CNTN5: variants seen among roughly 807,000 people sequenced by gnomAD.
CNTN5 encodes the protein contactin 5, also known as contactin-5.
CNTN5 carries 77 observed loss-of-function variants against 129.1 expected under a neutral mutation model. The ratio of observed to expected loss-of-function variants is 0.60; its 90% confidence interval spans 0.50 to 0.72. The LOEUF (loss-of-function observed/expected upper bound fraction) is 0.72, where lower values mean the gene tolerates loss of function less well. Among genes scored for constraint, CNTN5 ranks in the 30% least tolerant of loss-of-function variants. The probability of loss-of-function intolerance (pLI) is 0.00; values close to 1 mark genes in which losing one functional copy is unlikely to be tolerated. For synonymous variants in CNTN5, 509 were observed against 465.6 expected, an observed-to-expected ratio of 1.09 and a Z score of -1.20; for missense variants, 1,478 against 1,328.8, an observed-to-expected ratio of 1.11 and a Z score of -1.75.
At chr11:99,211,829 T>A (rs937908294) in intron 1 of CNTN5, among the ~76,000 whole-genome samples, 12 of 152,168 alleles carry the variant, frequency 7.9e-5, no homozygotes, top group Admixed American at 2.0e-4. Flanking sequence ...GAAAGACACT[T>A]ATCCTTTTTA....
chr11:99,847,470 T>G (rs1947736806), intron 6 of CNTN5, among the ~76,000 whole-genome samples: 1 of 152,202 alleles, frequency 6.6e-6, no homozygotes, highest in African/African-American at 2.4e-5. Flanking sequence ...TACATAGGTA[T>G]TCAGTGGTAG....
intron 3 of CNTN5, 28 bp from the exon 4 acceptor site, chr11:99,819,516 A>C: frequency 6.4e-7 from 1 of 1,560,920 alleles, no homozygotes; most frequent in East Asian, 2.3e-5. Flanking sequence ...CTCAAAATTC[A>C]GATTTTATTA....
At chr11:100,184,022 A>C (rs1385263001) in intron 13 of CNTN5, among the ~76,000 whole-genome samples, 1 of 152,074 alleles carries the variant, frequency 6.6e-6, no homozygotes, top group African/African-American at 2.4e-5. Flanking sequence ...TCCCACACTG[A>C]AGGATAAGCT....
At chr11:99,128,747 G>A (rs1361044525) in intron 1 of CNTN5, among the ~76,000 whole-genome samples, 1 of 152,184 alleles carries the variant, frequency 6.6e-6, no homozygotes, top group Non-Finnish European at 1.5e-5. Context: ...TGCCCCTCTG[G>A]GATGAAGCTT....
chr11:99,852,361 A>G (rs1335029397), intron 6 of CNTN5, among the ~76,000 whole-genome samples: 5 of 152,238 alleles, frequency 3.3e-5, no homozygotes, highest in African/African-American at 1.2e-4. Context: ...AAAATACTGT[A>G]TAGATGGTGT....
intron 2 of CNTN5, among the ~76,000 whole-genome samples, chr11:99,351,686 G>T (rs532359171): frequency 6.6e-5 from 10 of 152,204 alleles, no homozygotes; most frequent in African/African-American, 2.4e-4. Flanking sequence ...AAATTGATTG[G>T]AATATTTAAG....
chr11:99,927,207 T>A (rs1448839445), intron 7 of CNTN5, among the ~76,000 whole-genome samples: 2 of 152,186 alleles, frequency 1.3e-5, no homozygotes, highest in Non-Finnish European at 2.9e-5. Flanking sequence ...TTATGTATCC[T>A]ATTCTATCTT....
At chr11:99,409,033 G>T (rs551378106) in intron 2 of CNTN5, among the ~76,000 whole-genome samples, 1 of 152,286 alleles carries the variant, frequency 6.6e-6, no homozygotes, top group Admixed American at 6.5e-5. Context: ...TGGAATTTCT[G>T]ATTCTAATAG....
intron 1 of CNTN5, among the ~76,000 whole-genome samples, chr11:99,323,702 C>T (rs948268300): frequency 2.6e-5 from 4 of 152,044 alleles, no homozygotes; most frequent in African/African-American, 9.7e-5. Flanking sequence ...AAAAACATAA[C>T]TTGTCAAATC....
At chr11:99,305,014 C>G (rs1447225853) in intron 1 of CNTN5, among the ~76,000 whole-genome samples, 1 of 152,130 alleles carries the variant, frequency 6.6e-6, no homozygotes, top group East Asian at 1.9e-4. Flanking sequence ...ACTTGACTTT[C>G]CCATGCCTAT....
intron 3 of CNTN5, among the ~76,000 whole-genome samples, chr11:99,576,113 T>A: frequency 6.6e-6 from 1 of 152,042 alleles, no homozygotes; most frequent in Non-Finnish European, 1.5e-5. Flanking sequence ...TAGAAACAAA[T>A]AACCGCTTTT....
intron 13 of CNTN5, among the ~76,000 whole-genome samples, chr11:100,117,831 A>C (rs2138147708): frequency 6.6e-6 from 1 of 151,968 alleles, no homozygotes; most frequent in Non-Finnish European, 1.5e-5. Context: ...TACTTGAATA[A>C]GTGAATGAAT....
intron 18 of CNTN5, among the ~76,000 whole-genome samples, chr11:100,284,259 T>A (rs1024118102): frequency 3.9e-5 from 6 of 152,196 alleles, no homozygotes; most frequent in African/African-American, 1.4e-4. Context: ...CTTACAAAAG[T>A]GAGTTTTATG....
intron 23 of CNTN5, among the ~76,000 whole-genome samples, chr11:100,346,708 A>G (rs918500088): frequency 2.6e-5 from 4 of 152,124 alleles, no homozygotes; most frequent in Non-Finnish European, 5.9e-5. Context: ...CTGTTAACAG[A>G]GCTAGGGCAA....
At chr11:99,928,602 T>A (rs991979634) in intron 7 of CNTN5, among the ~76,000 whole-genome samples, 1 of 152,292 alleles carries the variant, frequency 6.6e-6, no homozygotes, top group African/African-American at 2.4e-5. Flanking sequence ...TGGCCCCTTT[T>A]AGCCACAGCT....
chr11:100,190,459 T>C (rs1201732796), intron 13 of CNTN5, among the ~76,000 whole-genome samples: 8 of 152,164 alleles, frequency 5.3e-5, no homozygotes, highest in African/African-American at 1.9e-4. Flanking sequence ...TTCACTGAAC[T>C]TCTAAAAATT....
intron 1 of CNTN5, among the ~76,000 whole-genome samples, chr11:99,301,716 A>G (rs1413502261): frequency 6.6e-6 from 1 of 151,804 alleles, no homozygotes; most frequent in Non-Finnish European, 1.5e-5. Context: ...GAAGACATGT[A>G]CAATTCTATA....
At chr11:99,278,846 C>T (rs1263750895) in intron 1 of CNTN5, among the ~76,000 whole-genome samples, 1 of 151,610 alleles carries the variant, frequency 6.6e-6, no homozygotes, top group Non-Finnish European at 1.5e-5. Flanking sequence ...AAGCACATCC[C>T]ACAGCACAAA....
chr11:100,187,032 A>C (rs1948319265), intron 13 of CNTN5, among the ~76,000 whole-genome samples: 1 of 152,062 alleles, frequency 6.6e-6, no homozygotes, highest in Non-Finnish European at 1.5e-5. Flanking sequence ...AACATTGTGG[A>C]ATTTTTTTTC....
Sources: gnomAD v4.1 joint callset for allele counts (sites outside exome capture counted in the v4.1 genomes callset) on GRCh38, gnomAD v4.1.1 for gene constraint, MANE v1.5 for transcripts, NCBI Gene and HGNC (gene_info 2026-07-23, HGNC 2026-07-21) for gene names.